Variants in CELF2 observed in about 807,000 individuals in gnomAD.
CELF2 encodes CUGBP Elav-like family member 2, also known as CUG triplet repeat RNA-binding protein 2.
CELF2 carries 8 observed loss-of-function variants against 62.6 expected under a neutral mutation model. That is an observed-to-expected ratio of 0.13 (90% CI 0.07 to 0.23). The LOEUF (loss-of-function observed/expected upper bound fraction) is 0.23, where lower values mean the gene tolerates loss of function less well. Among genes scored for constraint, CELF2 ranks in the 10% least tolerant of loss-of-function variants. The pLI, the probability that CELF2 is intolerant of heterozygous loss-of-function variation, is 1.00. For missense variants in CELF2, 333 were observed against 671.0 expected (o/e 0.50, Z 5.56); for synonymous variants, 258 against 250.0 (o/e 1.03, Z -0.30).
the CELF2 span, among the ~76,000 whole-genome samples, chr10:10,558,411 T>A: frequency 6.6e-6 from 1 of 152,156 alleles, no homozygotes; most frequent in Non-Finnish European, 1.5e-5. Context: ...GATAAGCTTT[T>A]TGATGTGCTG....
the CELF2 span, among the ~76,000 whole-genome samples, chr10:10,641,710 A>G: frequency 2.0e-5 from 3 of 152,108 alleles, no homozygotes; most frequent in Non-Finnish European, 2.9e-5. Context: ...CGGCCTCCCA[A>G]AGTGCTGGGA....
At chr10:11,323,649 T>C (rs1181184163) in intron 11 of CELF2, among the ~76,000 whole-genome samples, 1 of 152,004 alleles carries the variant, frequency 6.6e-6, no homozygotes, top group Non-Finnish European at 1.5e-5. Context: ...CCCCAGTTCT[T>C]TATGCCAGAT....
intron 1 of CELF2, among the ~76,000 whole-genome samples, chr10:10,828,860 A>G (rs1415302180): frequency 2.6e-5 from 4 of 152,232 alleles, no homozygotes; most frequent in Non-Finnish European, 5.9e-5. Flanking sequence ...GAAGGAATGC[A>G]TGATCCCACT....
At chr10:10,930,083 T>G (rs1320083868) in intron 2 of CELF2, among the ~76,000 whole-genome samples, 2 of 152,244 alleles carry the variant, frequency 1.3e-5, no homozygotes, top group Non-Finnish European at 1.5e-5. Context: ...CCATAGTGAC[T>G]GAATTAAATT....
intron 1 of CELF2, among the ~76,000 whole-genome samples, chr10:11,140,651 A>G (rs1285615469): frequency 6.6e-6 from 1 of 152,208 alleles, no homozygotes; most frequent in Non-Finnish European, 1.5e-5. Flanking sequence ...AAATTTCGCT[A>G]TTTAAGATTT....
intron 5 of CELF2, among the ~76,000 whole-genome samples, chr10:11,259,310 A>G (rs1015404483): frequency 6.6e-6 from 1 of 152,162 alleles, no homozygotes; most frequent in African/African-American, 2.4e-5. Flanking sequence ...CCGAGAGAAC[A>G]AAAGTTCCCA....
intron 1 of CELF2, among the ~76,000 whole-genome samples, chr10:11,150,535 A>G (rs1421015213): frequency 6.6e-6 from 1 of 152,234 alleles, no homozygotes; most frequent in East Asian, 1.9e-4. Context: ...GATACTTTTG[A>G]CACCATTCAA....
In CELF2 at chr10:11,098,582, A is replaced by T. The variant is rs2050568171; in HGVS notation, c.75-66904A>T. The T allele has an allele frequency of 6.6e-6, 1 of 152,266 alleles. No individual in the cohort carries two copies. The highest frequency in any genetic ancestry group is 1.5e-5 in the Non-Finnish European group (1 of 68,052). The allele number at this position is 152,266 out of a possible 1,614,324, so 9.4% of individuals were successfully genotyped here. On this transcript the variant is annotated intron_variant, in intron 1 of 12. Coordinates refer to ENST00000633077, the MANE Select transcript of CELF2 (RefSeq NM_001326342.2). This position sits in a 1 kb window ranked among gnomAD's most constrained non-coding sequence, Gnocchi z 4.0. ...ATAACAGACACTGAAATCATCACAT[A>T]TTCCTTTAGAAAGGCACAGTGAGCA...
chr10:11,261,089 T>G (rs1189268053), intron 5 of CELF2, among the ~76,000 whole-genome samples: 2 of 152,362 alleles, frequency 1.3e-5, no homozygotes, highest in East Asian at 3.9e-4. Context: ...GGGTATACCC[T>G]CTTCCGTGAG....
intron 1 of CELF2, among the ~76,000 whole-genome samples, chr10:11,134,535 T>G (rs2060119344): frequency 6.6e-6 from 1 of 152,160 alleles, no homozygotes; most frequent in African/African-American, 2.4e-5. Context: ...CAGTGCTGAT[T>G]GTCCTCGGCG....
In CELF2 at chr10:10,891,783, A is replaced by G. The variant is rs191823282; in HGVS notation, c.54-28181A>G. 3.2e-4 allele frequency among the ~76,000 whole-genome samples: 49 copies of G among 152,294 alleles called. No individual in the cohort carries two copies. In the East Asian group the frequency reaches 7.9e-3, roughly 25 times the overall value. On this transcript the variant is annotated intron_variant, in intron 1 of 13. Transcript: ENST00000636488. ...TCTGGCTTCTGGTCTCAGTTCTGTCACTTATCACCTCTGTGATCTTGGAAG... is the reference window on the plus strand; with the variant it reads ...TCTGGCTTCTGGTCTCAGTTCTGTCGCTTATCACCTCTGTGATCTTGGAAG...
At chr10:10,935,466 A>G (rs535367835) in intron 2 of CELF2, 1 of 152,234 alleles carries the variant, frequency 6.6e-6, no homozygotes, top group African/African-American at 2.4e-5. Context: ...AAACTTAGGC[A>G]TAACAGGTAA....
chr10:10,600,531 A>G, the CELF2 span, among the ~76,000 whole-genome samples: 1 of 152,238 alleles, frequency 6.6e-6, no homozygotes, highest in Admixed American at 6.5e-5. Flanking sequence ...ACAGAAGCCC[A>G]AAGTGGCAGA....
At chr10:10,774,468 C>G in the CELF2 span, among the ~76,000 whole-genome samples, 1 of 152,280 alleles carries the variant, frequency 6.6e-6, no homozygotes, top group South Asian at 2.1e-4. Context: ...TGGTTTAGCA[C>G]CATCGCTTTG....
At chr10:10,857,429 A>G (rs902202700) in intron 1 of CELF2, among the ~76,000 whole-genome samples, 1 of 151,738 alleles carries the variant, frequency 6.6e-6, no homozygotes, top group Non-Finnish European at 1.5e-5. Context: ...ATGTAGAATC[A>G]CCCCAACAAA....
chr10:11,268,791 T>C lies in CELF2; in HGVS notation c.619-1875T>C, dbSNP rs887121474. On this transcript the variant is annotated intron_variant, in intron 6 of 12. Transcript: ENST00000633077. The surrounding 1 kb of genome is among the most constrained non-coding windows in gnomAD (Gnocchi z 4.7). ...AACGTTGTTTATTTTTAACTAATTATATTATTTCCAGGACTCTGGCATACA... is the reference window on the plus strand; with the variant it reads ...AACGTTGTTTATTTTTAACTAATTACATTATTTCCAGGACTCTGGCATACA... Among the ~76,000 whole-genome samples, 1 of 152,224 alleles carries C rather than the reference T, an allele frequency of 6.6e-6. No homozygotes were observed. The highest frequency in any genetic ancestry group is 2.1e-4 in the South Asian group (1 of 4,834).
In CELF2 at chr10:11,217,353, C is replaced by A; in HGVS notation, c.272-72C>A. On this transcript the variant is annotated intron_variant, in intron 2 of 12. Coordinates refer to ENST00000633077, the MANE Select transcript of CELF2 (RefSeq NM_001326342.2). This position sits in a 1 kb window ranked among gnomAD's most constrained non-coding sequence, Gnocchi z 5.6. ...CGTCCTTTTAAGTAGATTGTTTGTT[C>A]GCCACAGTCTCCATTATATCTAAGC... The A allele has an allele frequency of 9.9e-7, 1 of 1,006,776 alleles. No homozygotes were observed. Among genetic ancestry groups the A allele is most frequent in the East Asian group, 2.5e-5 (1 of 40,702 alleles). The allele number at this position is 1,006,776 out of a possible 1,614,324, so 62.4% of individuals were successfully genotyped here.
the CELF2 span, among the ~76,000 whole-genome samples, chr10:10,558,561 G>C: frequency 7.9e-5 from 12 of 152,106 alleles, no homozygotes; most frequent in Admixed American, 7.9e-4. Flanking sequence ...AAATGAGTTA[G>C]GGAGGATTCC....
At chr10:10,475,840 TTGAG>T in the CELF2 span, among the ~76,000 whole-genome samples, 3 of 152,134 alleles carry the variant, frequency 2.0e-5, no homozygotes, top group Non-Finnish European at 4.4e-5. Context: ...GCATTTTTCT[TTGAG>T]TGGGCAGACA....
Sources: allele counts gnomAD v4.1 joint callset (sites outside exome capture counted in the v4.1 genomes callset), GRCh38; gene constraint gnomAD v4.1.1; non-coding constraint Gnocchi (gnomAD v3.1); transcripts MANE v1.5; gene names NCBI Gene and HGNC (gene_info 2026-07-23, HGNC 2026-07-21).